HSPA4: variants seen among roughly 807,000 people sequenced by gnomAD.
HSPA4 encodes heat shock protein family A (Hsp70) member 4, also known as heat shock 70 kDa protein 4.
A neutral mutation model predicts 106.2 loss-of-function variants in HSPA4; 25 were observed. The ratio of observed to expected loss-of-function variants is 0.24; its 90% confidence interval spans 0.17 to 0.33. The LOEUF is 0.33. HSPA4 is among the 10% of genes least tolerant of loss of function. The probability of loss-of-function intolerance (pLI) is 1.00; values close to 1 mark genes in which losing one functional copy is unlikely to be tolerated. For synonymous variants in HSPA4, 332 were observed against 333.6 expected (o/e 1.00, Z 0.05); for missense variants, 841 against 996.0 (o/e 0.84, Z 2.10).
rs762421599 is a variant in HSPA4 at position 133,104,471 on chromosome 5, T to C, written c.*35T>C. 1.9e-6 allele frequency: 3 copies of C among 1,570,038 alleles called. No homozygotes were observed. Among genetic ancestry groups the C allele is most frequent in the East Asian group, 2.2e-5 (1 of 44,606 alleles). ...TTGTTTCTATTAAAACAGACTATTA[T>C]AAAGCTTTAAGTTGTCAACTTTGTT... On this transcript the variant is annotated 3_prime_UTR_variant, in exon 19 of 19. Transcript: ENST00000304858.
intron 4 of HSPA4, 69 bp from the exon 5 acceptor site, chr5:133,073,161 G>T: frequency 1.1e-6 from 1 of 881,160 alleles, no homozygotes; most frequent in Non-Finnish European, 1.8e-6. Flanking sequence ...GTATTTGATG[G>T]TGTTCCTGGA....
chr5:133,089,247 T>C (rs1299179751), intron 10 of HSPA4, 86 bp downstream of exon 10: 10 of 761,374 alleles, frequency 1.3e-5, no homozygotes, highest in African/African-American at 1.2e-4. Context: ...TCAGTTTACA[T>C]AAATCTGTAA....
Position 133,070,395 on chromosome 5 carries a change from C to G in HSPA4, c.328C>G (p.Arg110Gly). 6.2e-7 allele frequency: 1 copy of G among 1,610,402 alleles called. No homozygotes were observed. Among genetic ancestry groups the G allele is most frequent in the Non-Finnish European group, 8.5e-7 (1 of 1,178,944 alleles). ...GCAGGTGACATATATGGAGGAAGAG[C>G]GAAATTTTACCACTGAGCAAGTGAC... ...GIKVTYMEEERNFTTEQVTAM... is the reference protein window; with the variant it reads ...GIKVTYMEEEGNFTTEQVTAM... Residue 110 changes from arginine to glycine, a missense_variant, in exon 4 of 19, where the codon CGA (arginine) becomes GGA (glycine). Transcript: ENST00000304858.
In HSPA4 at chr5:133,101,869, CA is replaced by C. The variant is rs1561587708; in HGVS notation, c.2153del (p.Asn718ThrfsTer14). 1 of 1,522,660 alleles carries C rather than the reference CA, an allele frequency of 6.6e-7. No individual in the cohort carries two copies. The highest frequency in any genetic ancestry group is 8.9e-7 in the Non-Finnish European group (1 of 1,125,726). 94.3% of individuals were successfully genotyped at this position (1,522,660 alleles called of 1,614,324 possible). ...AGTATATGAAAATAATCAGCTCTTT[CA>C]AAAACAAGGTAACTTTTTTCTTTGT... ...QQYMKIISSF[K>X]NKEDQYDHLD... On this transcript the variant is annotated frameshift_variant, in exon 17 of 19. Coordinates refer to ENST00000304858, the MANE Select transcript of HSPA4 (RefSeq NM_002154.4). LOFTEE classifies it high-confidence loss of function.
intron 12 of HSPA4, among the ~76,000 whole-genome samples, chr5:133,092,295 G>A (rs1188228560): frequency 2.0e-5 from 3 of 152,172 alleles, no homozygotes; most frequent in African/African-American, 7.2e-5. Context: ...AAGAGAGGCT[G>A]ACTTAGGAAC....
chr5:133,082,979 AC>A (rs1765532680), intron 7 of HSPA4, among the ~76,000 whole-genome samples: 1 of 151,828 alleles, frequency 6.6e-6, no homozygotes, highest in African/African-American at 2.4e-5. Context: ...TACTAAAAAT[AC>A]AAAAATTAGC....
chr5:133,088,085 C>T (rs1364300384), intron 8 of HSPA4, among the ~76,000 whole-genome samples: 1 of 152,030 alleles, frequency 6.6e-6, no homozygotes, highest in Non-Finnish European at 1.5e-5. Context: ...AATGTTTGGT[C>T]TGTTGATGTT....
intron 7 of HSPA4, among the ~76,000 whole-genome samples, chr5:133,081,140 C>T (rs779051368): frequency 2.6e-5 from 4 of 152,034 alleles, no homozygotes; most frequent in East Asian, 1.9e-4. Flanking sequence ...CTCCACCTCC[C>T]GGGTTTAAAT....
At chr5:133,084,510 G>A (rs938784993) in intron 7 of HSPA4, among the ~76,000 whole-genome samples, 2 of 151,752 alleles carry the variant, frequency 1.3e-5, no homozygotes, top group Non-Finnish European at 2.9e-5. Flanking sequence ...CACTCTTTTC[G>A]TCCAGGTTGG....
Position 133,052,293 on chromosome 5 carries a change from G to A in HSPA4, c.43G>A (p.Val15Ile). 1 of 1,597,316 alleles carries A rather than the reference G, an allele frequency of 6.3e-7. No individual in the cohort carries two copies. Among genetic ancestry groups the A allele is most frequent in the Non-Finnish European group, 8.5e-7 (1 of 1,174,478 alleles). Residue 15 changes from valine to isoleucine, a missense_variant, in exon 1 of 19, where the codon GTC becomes ATC. Val to Ile is a conservative substitution (Grantham distance 29). This residue lies in a region of HSPA4 where 347 missense variants were observed against 408.7 expected (regional missense o/e 0.85). Coordinates refer to ENST00000304858, the MANE Select transcript of HSPA4 (RefSeq NM_002154.4). ...AGACCTGGGCTTCCAGAGCTGCTAC[G>A]TCGCTGTGGCCCGCGCCGGCGGCAT... is the stretch of plus-strand genomic sequence containing the variant. Reference protein sequence around the residue: ...GIDLGFQSCYVAVARAGGIET... With the variant: ...GIDLGFQSCYIAVARAGGIET...
chr5:133,072,569 T>A (rs890436070), intron 4 of HSPA4, among the ~76,000 whole-genome samples: 6 of 151,202 alleles, frequency 4.0e-5, no homozygotes, highest in African/African-American at 1.2e-4. Context: ...TTTATTTTTT[T>A]TTTTTTTTTG....
chr5:133,104,536 TAGTC>T lies in HSPA4; in HGVS notation c.*104_*107del, dbSNP rs1367715201. ...GCGCAAGTGAATACTGAAGATTTCT[TAGTC>T]AGTTTTTAGGGGATTTTCGGGGAGG... On this transcript the variant is annotated 3_prime_UTR_variant, in exon 19 of 19. Coordinates refer to ENST00000304858, the MANE Select transcript of HSPA4 (RefSeq NM_002154.4). 76 of 1,120,772 alleles carry T rather than the reference TAGTC, an allele frequency of 6.8e-5. No individual in the cohort carries two copies. The highest frequency in any genetic ancestry group is 2.5e-4 in the Middle Eastern group (1 of 3,924). 69.4% of individuals were successfully genotyped at this position (1,120,772 alleles called of 1,614,324 possible). A position where few individuals can be genotyped will look rare whatever the true frequency, so the allele number is the denominator to read the frequency against.
intron 17 of HSPA4, 151 bp from the exon 18 acceptor site, chr5:133,103,714 T>A: frequency 1.6e-6 from 1 of 610,428 alleles, no homozygotes; most frequent in Non-Finnish European, 2.8e-6. Context: ...GTTAGGTTTC[T>A]TTTGAATAAT....
intron 8 of HSPA4, 97 bp downstream of exon 8, chr5:133,086,955 A>G: frequency 1.1e-6 from 1 of 937,454 alleles, no homozygotes; most frequent in Non-Finnish European, 1.7e-6. Context: ...AGAAATTTTT[A>G]TTGTATGAAC....
chr5:133,064,132 A>G (rs1010122747), intron 1 of HSPA4, among the ~76,000 whole-genome samples: 3 of 152,264 alleles, frequency 2.0e-5, no homozygotes, highest in African/African-American at 7.2e-5. Context: ...GAAGCAGTAA[A>G]TGGATTAAAT....
chr5:133,093,519 C>CG (rs2126713434), intron 13 of HSPA4, among the ~76,000 whole-genome samples: 1 of 152,090 alleles, frequency 6.6e-6, no homozygotes, highest in South Asian at 2.1e-4. Context: ...GAGATGGACT[C>CG]TAGCTCTGTC....
intron 7 of HSPA4, among the ~76,000 whole-genome samples, chr5:133,082,971 C>T (rs973996534): frequency 2.6e-5 from 4 of 151,650 alleles, no homozygotes; most frequent in Non-Finnish European, 5.9e-5. Flanking sequence ...CCCATCTCTA[C>T]TAAAAATACA....
chr5:133,086,909 A>G, intron 8 of HSPA4, 51 bp downstream of exon 8: 1 of 1,297,902 alleles, frequency 7.7e-7, no homozygotes, highest in Non-Finnish European at 1.1e-6. Flanking sequence ...CTGTTTGGAA[A>G]TTGTTATTTA....
At chr5:133,059,665 G>T (rs1297762736) in intron 1 of HSPA4, among the ~76,000 whole-genome samples, 3 of 152,124 alleles carry the variant, frequency 2.0e-5, no homozygotes. Flanking sequence ...TTTGGAGTCT[G>T]ATGGTCCTAA....
Sources: gnomAD v4.1 joint callset for allele counts (sites outside exome capture counted in the v4.1 genomes callset) on GRCh38, gnomAD v4.1.1 for gene constraint, gnomAD v4.1.1 regional missense constraint, MANE v1.5 for transcripts, NCBI Gene and HGNC (gene_info 2026-07-23, HGNC 2026-07-21) for gene names.